The following ALDH1A2 variants were observed in gnomAD, a reference collection of about 807,000 sequenced individuals.
ALDH1A2 encodes aldehyde dehydrogenase 1 family member A2, also known as retinal dehydrogenase 2.
In ALDH1A2, 27 loss-of-function variants were observed where a neutral mutation model predicts 60.3. The ratio of observed to expected loss-of-function variants is 0.45; its 90% CI spans 0.33 to 0.62. The LOEUF (loss-of-function observed/expected upper bound fraction) is 0.62. Ranked by LOEUF, ALDH1A2 falls within the 20% of genes least tolerant of loss-of-function variation. ALDH1A2 has a pLI of 0.02. For synonymous variants in ALDH1A2, 289 were observed against 232.4 expected (o/e 1.24, Z -2.21); for missense variants, 581 against 643.8 (o/e 0.90, Z 1.06).
chr15:58,053,519 G>C (rs775057915), intron 1 of ALDH1A2, among the ~76,000 whole-genome samples: 1 of 152,130 alleles, frequency 6.6e-6, no homozygotes, highest in Non-Finnish European at 1.5e-5. Flanking sequence ...AAAATGTTTG[G>C]TTTGTTTTTT....
At chr15:58,000,003 C>G (rs1425012065) in intron 4 of ALDH1A2, among the ~76,000 whole-genome samples, 1 of 151,422 alleles carries the variant, frequency 6.6e-6, no homozygotes, top group Non-Finnish European at 1.5e-5. Context: ...ATTGGGGGAG[C>G]TGAACACACA....
intron 1 of ALDH1A2, among the ~76,000 whole-genome samples, chr15:58,041,945 C>T (rs983608630): frequency 1.3e-5 from 2 of 151,824 alleles, no homozygotes; most frequent in African/African-American, 4.8e-5. Context: ...GTTATGTAAA[C>T]GTGATGTCTC....
chr15:57,966,653 C>A (rs1442813550), intron 7 of ALDH1A2, among the ~76,000 whole-genome samples: 1 of 152,190 alleles, frequency 6.6e-6, no homozygotes, highest in Non-Finnish European at 1.5e-5. Context: ...CCATATCCAC[C>A]CACTGGTGGT....
intron 1 of ALDH1A2, among the ~76,000 whole-genome samples, chr15:58,028,867 G>C (rs1896152595): frequency 6.6e-6 from 1 of 152,144 alleles, no homozygotes; most frequent in African/African-American, 2.4e-5. Flanking sequence ...AAACACATAT[G>C]CACCCAATAC....
chr15:58,025,902 A>G (rs1896066234), intron 1 of ALDH1A2, among the ~76,000 whole-genome samples: 1 of 152,206 alleles, frequency 6.6e-6, no homozygotes, highest in African/African-American at 2.4e-5. Context: ...ACAGAGCAAG[A>G]ACTCACTCAT....
At position 58,065,679 on chromosome 15, in the gene ALDH1A2, G is replaced by C. The variant is rs761539969; in HGVS notation, c.-29C>G. ...GGCGGGCCGGGTGTCCCTAGCCCGC[G>C]GCGTGGGGCAGTGCGGGCTGTGCGC... is the stretch of plus-strand genomic sequence containing the variant. On this transcript the variant is annotated 5_prime_UTR_variant, in exon 1 of 13. Coordinates refer to ENST00000249750, the MANE Select transcript of ALDH1A2 (RefSeq NM_003888.4). 5.3e-6 allele frequency: 8 copies of C among 1,498,416 alleles called. No homozygotes were observed. The highest frequency in any genetic ancestry group is 2.0e-5 in the Admixed American group (1 of 48,898). The allele number at this position is 1,498,416 out of a possible 1,614,324, so 92.8% of individuals were successfully genotyped here.
At chr15:58,029,353 A>G (rs1329984582) in intron 1 of ALDH1A2, among the ~76,000 whole-genome samples, 1 of 152,226 alleles carries the variant, frequency 6.6e-6, no homozygotes, top group African/African-American at 2.4e-5. Flanking sequence ...CAATGAGAAC[A>G]AAGACACAAC....
intron 6 of ALDH1A2, 47 bp downstream of exon 6, chr15:57,992,898 C>T (rs756726934): frequency 6.2e-7 from 1 of 1,613,626 alleles, no homozygotes; most frequent in South Asian, 1.1e-5. Context: ...TAGTAGGCTC[C>T]AGCTGTAAGG....
At chr15:58,050,009 G>A (rs141159928) in intron 1 of ALDH1A2, among the ~76,000 whole-genome samples, 3 of 152,102 alleles carry the variant, frequency 2.0e-5, no homozygotes, top group African/African-American at 7.2e-5. Flanking sequence ...TGGGTCTTGA[G>A]GGGGAAGGGG....
chr15:58,063,957 G>A (rs1390097418), intron 1 of ALDH1A2, among the ~76,000 whole-genome samples: 1 of 136,622 alleles, frequency 7.3e-6, no homozygotes, highest in African/African-American at 2.7e-5. Flanking sequence ...GGGAGTAAGA[G>A]AACTGGAAGA....
chr15:57,960,859 CAT>C lies in ALDH1A2; in HGVS notation c.1410-17_1410-16del, dbSNP rs756878707. Reference sequence around the variant, plus strand: ...AACAATTGATCCTGAAAGAAGAAAACATAGCACTGTGAGTTCGTGTGAAGTCT... The same window carrying C: ...AACAATTGATCCTGAAAGAAGAAAACAGCACTGTGAGTTCGTGTGAAGTCT... On this transcript the variant is annotated splice_polypyrimidine_tract_variant and intron_variant, in intron 11 of 12. Coordinates refer to ENST00000249750, the MANE Select transcript of ALDH1A2 (RefSeq NM_003888.4). 1.2e-6 allele frequency: 2 copies of C among 1,611,392 alleles called. No individual in the cohort carries two copies. Among genetic ancestry groups the C allele is most frequent in the Admixed American group, 1.7e-5 (1 of 60,022 alleles).
intron 4 of ALDH1A2, among the ~76,000 whole-genome samples, chr15:57,997,968 G>A (rs1389961480): frequency 1.3e-5 from 2 of 151,718 alleles, no homozygotes; most frequent in Non-Finnish European, 3.0e-5. Flanking sequence ...GACAAAGAAA[G>A]GAGGCTACTT....
Position 58,024,240 on chromosome 15 carries a change from G to T in ALDH1A2, c.118-9959C>A, listed in dbSNP as rs184651046. On this transcript the variant is annotated intron_variant, in intron 1 of 12. Transcript: ENST00000249750. Reference sequence around the variant, plus strand: ...GTGTAAACAATAAGAAAAAAAAAGAGGCAAAGAATATATAAAACAACCAGA... The same window carrying T: ...GTGTAAACAATAAGAAAAAAAAAGATGCAAAGAATATATAAAACAACCAGA... Among the ~76,000 whole-genome samples the T allele has an allele frequency of 3.0e-4, 46 of 152,020 alleles. No individual in the cohort carries two copies. In the East Asian group the frequency reaches 7.9e-3, roughly 26 times the overall value.
intron 1 of ALDH1A2, among the ~76,000 whole-genome samples, chr15:58,042,360 G>C (rs1896538068): frequency 1.3e-5 from 2 of 151,860 alleles, no homozygotes; most frequent in Non-Finnish European, 1.5e-5. Flanking sequence ...TGTATTGCTT[G>C]CTCCTTAAGA....
At chr15:57,971,424 T>A (rs1398551457) in intron 7 of ALDH1A2, among the ~76,000 whole-genome samples, 1 of 152,174 alleles carries the variant, frequency 6.6e-6, no homozygotes, top group African/African-American at 2.4e-5. Flanking sequence ...TAAAAAAATA[T>A]GCATATGTAC....
intron 7 of ALDH1A2, among the ~76,000 whole-genome samples, chr15:57,977,570 T>C (rs1038948742): frequency 7.2e-5 from 11 of 152,200 alleles, no homozygotes; most frequent in South Asian, 2.1e-4. Flanking sequence ...CATTGGTCTA[T>C]GTATATCTGT....
intron 1 of ALDH1A2, among the ~76,000 whole-genome samples, chr15:58,043,644 T>TTGA: frequency 6.6e-6 from 1 of 152,114 alleles, no homozygotes; most frequent in African/African-American, 2.4e-5. Context: ...ACGGTGAGAT[T>TTGA]CAGGTGGAAA....
intron 4 of ALDH1A2, among the ~76,000 whole-genome samples, chr15:58,005,607 C>T (rs576756074): frequency 6.6e-6 from 1 of 152,062 alleles, no homozygotes; most frequent in South Asian, 2.1e-4. Context: ...TATTTCTTCC[C>T]ATTCTTTTTG....
chr15:57,960,567 C>T (rs1464055755), intron 12 of ALDH1A2, among the ~76,000 whole-genome samples: 2 of 152,140 alleles, frequency 1.3e-5, no homozygotes, highest in Non-Finnish European at 2.9e-5. Flanking sequence ...TTAATTTTTT[C>T]CATTCTCACT....
Sources: gnomAD v4.1 joint callset for allele counts (sites outside exome capture counted in the v4.1 genomes callset) on GRCh38, gnomAD v4.1.1 for gene constraint, MANE v1.5 for transcripts, NCBI Gene and HGNC (gene_info 2026-07-23, HGNC 2026-07-21) for gene names.